Variants in NUP210L observed in about 807,000 individuals in gnomAD.
NUP210L encodes nucleoporin 210 like.
NUP210L carries 74 observed loss-of-function variants against 208.5 expected under a neutral mutation model. The observed-to-expected ratio is 0.35, with a 90% CI of 0.29 to 0.43. The LOEUF is 0.43. Ranked by LOEUF, NUP210L falls within the 20% of genes least tolerant of loss-of-function variation. The pLI, the probability that NUP210L is intolerant of heterozygous loss-of-function variation, is 1.00. For synonymous variants in NUP210L, 780 were observed against 816.9 expected, an observed-to-expected ratio of 0.95 and a Z score of 0.77; for missense variants, 1,843 against 2,289.4, an observed-to-expected ratio of 0.81 and a Z score of 3.98.
intron 27 of NUP210L, among the ~76,000 whole-genome samples, chr1:154,041,023 G>A (rs1221564486): frequency 6.6e-6 from 1 of 152,116 alleles, no homozygotes; most frequent in Non-Finnish European, 1.5e-5. Flanking sequence ...GGAGTGCCGT[G>A]GTGCAAACGC....
chr1:154,129,061 T>C (rs141137870), intron 8 of NUP210L, among the ~76,000 whole-genome samples: 4 of 152,308 alleles, frequency 2.6e-5, no homozygotes, highest in African/African-American at 9.6e-5. Flanking sequence ...TTGTATTACA[T>C]GGATTTTCAT....
intron 7 of NUP210L, among the ~76,000 whole-genome samples, chr1:154,131,648 A>G (rs1468929584): frequency 6.6e-6 from 1 of 152,154 alleles, no homozygotes; most frequent in African/African-American, 2.4e-5. Flanking sequence ...TTTTACTGAC[A>G]AAGTGACCTA....
intron 32 of NUP210L, among the ~76,000 whole-genome samples, chr1:154,021,721 A>T (rs541580117): frequency 6.6e-6 from 1 of 152,294 alleles, no homozygotes; most frequent in East Asian, 1.9e-4. Context: ...GAGAAGACAC[A>T]GTACCCTGCA....
chr1:154,127,527 G>T, intron 8 of NUP210L, 110 bp from the exon 9 acceptor site: 9 of 386,264 alleles, frequency 2.3e-5, no homozygotes, highest in Admixed American at 4.6e-5. Context: ...TTTACTAATA[G>T]ATGGAGATGG....
At chr1:154,116,427 GAA>G (rs1329156657) in intron 12 of NUP210L, among the ~76,000 whole-genome samples, 7 of 130,496 alleles carry the variant, frequency 5.4e-5, no homozygotes, top group Admixed American at 7.8e-5. Context: ...CCATCTCAGG[GAA>G]AAAAAAAAAA....
At chr1:154,144,644 CTG>C (rs1473701747) in intron 2 of NUP210L, among the ~76,000 whole-genome samples, 1 of 152,184 alleles carries the variant, frequency 6.6e-6, no homozygotes, top group African/African-American at 2.4e-5. Flanking sequence ...TATTTGAGAA[CTG>C]TCTATATAGC....
intron 16 of NUP210L, among the ~76,000 whole-genome samples, chr1:154,073,831 A>C (rs2148017947): frequency 6.7e-6 from 1 of 150,138 alleles, no homozygotes; most frequent in Admixed American, 6.6e-5. Context: ...TAAATAAATA[A>C]ATAAATAAAT....
chr1:154,127,529 T>A (rs1358749387), intron 8 of NUP210L, 112 bp from the exon 9 acceptor site: 4 of 446,662 alleles, frequency 9.0e-6, no homozygotes, highest in Non-Finnish European at 1.6e-5. Context: ...TACTAATAGA[T>A]GGAGATGGTT....
chr1:154,126,122 C>T (rs1657961198), intron 10 of NUP210L, among the ~76,000 whole-genome samples: 1 of 152,120 alleles, frequency 6.6e-6, no homozygotes, highest in African/African-American at 2.4e-5. Context: ...ACAATGACCG[C>T]AAATGCAGAT....
intron 23 of NUP210L, among the ~76,000 whole-genome samples, chr1:154,055,167 CT>C (rs558341707): frequency 3.4e-5 from 4 of 119,242 alleles, no homozygotes; most frequent in Non-Finnish European, 5.5e-5. Context: ...TTCTTTCTTT[CT>C]TTCTTTCTTT....
chr1:154,125,303 T>G (rs1469424478), intron 10 of NUP210L, among the ~76,000 whole-genome samples: 1 of 151,652 alleles, frequency 6.6e-6, no homozygotes, highest in Non-Finnish European at 1.5e-5. Context: ...TACAAAAATT[T>G]GCCAGGCATG....
chr1:154,075,994 A>G (rs1655011727), intron 16 of NUP210L, among the ~76,000 whole-genome samples: 1 of 151,288 alleles, frequency 6.6e-6, no homozygotes, highest in African/African-American at 2.4e-5. Context: ...TTGCCATGTC[A>G]CTCAGGCTGG....
At chr1:154,102,833 C>A (rs1656537124) in intron 13 of NUP210L, among the ~76,000 whole-genome samples, 1 of 148,208 alleles carries the variant, frequency 6.7e-6, no homozygotes, top group Admixed American at 6.8e-5. Context: ...TATTAAATGG[C>A]TCTACATTCC....
intron 16 of NUP210L, among the ~76,000 whole-genome samples, chr1:154,086,816 T>TA (rs545109848): frequency 0.012 from 1,710 of 143,608 alleles, 35 homozygotes; most frequent in African/African-American, 0.041. Flanking sequence ...CCCTGTGTCT[T>TA]AAAAAAAAAA....
Position 154,061,569 on chromosome 1 carries a change from T to C in NUP210L, c.2643+17A>G. ...AATTATTTAATTTATATTTCTTACA[T>C]TATAATCTCCACTCACTTTTGGGCT... is the stretch of plus-strand genomic sequence containing the variant. On this transcript the variant is annotated intron_variant, in intron 18 of 39. Transcript: ENST00000368559. 1 of 1,387,188 alleles carries C rather than the reference T, an allele frequency of 7.2e-7. No individual in the cohort carries two copies. The highest frequency in any genetic ancestry group is 1.0e-6 in the Non-Finnish European group (1 of 986,852). 85.9% of individuals were successfully genotyped at this position (1,387,188 alleles called of 1,614,324 possible).
intron 25 of NUP210L, 99 bp downstream of exon 25, chr1:154,054,129 G>C: frequency 8.0e-7 from 1 of 1,248,186 alleles, no homozygotes; most frequent in Non-Finnish European, 1.1e-6. Flanking sequence ...GGCTTTTCCT[G>C]GGCTGCTGAC....
At chr1:154,058,914 C>T (rs770486341) in intron 20 of NUP210L, among the ~76,000 whole-genome samples, 4 of 152,198 alleles carry the variant, frequency 2.6e-5, no homozygotes, top group Admixed American at 2.0e-4. Context: ...ATAGGTTGGG[C>T]GCAGTGGCTC....
intron 10 of NUP210L, among the ~76,000 whole-genome samples, chr1:154,119,994 G>A (rs1451976042): frequency 2.0e-5 from 3 of 152,186 alleles, no homozygotes; most frequent in Non-Finnish European, 2.9e-5. Context: ...GGTTGAACTA[G>A]TTTACAGTCC....
chr1:154,009,171 A>G (rs975842418), intron 35 of NUP210L, among the ~76,000 whole-genome samples: 2 of 151,962 alleles, frequency 1.3e-5, no homozygotes, highest in African/African-American at 4.8e-5. Context: ...TCGGCCTCCC[A>G]AAGTACTGGG....
Sources: allele counts gnomAD v4.1 joint callset (sites outside exome capture counted in the v4.1 genomes callset), GRCh38; gene constraint gnomAD v4.1.1; transcripts MANE v1.5; gene names NCBI Gene and HGNC (gene_info 2026-07-23, HGNC 2026-07-21).